The following PDE7B variants were observed in gnomAD, a reference collection of about 807,000 sequenced individuals.
PDE7B encodes the protein phosphodiesterase 7B.
In PDE7B, 29 loss-of-function variants were observed where a neutral mutation model predicts 56.2. The ratio of observed to expected loss-of-function variants is 0.52; its 90% confidence interval spans 0.38 to 0.70. The LOEUF is 0.70. PDE7B is among the 30% of genes least tolerant of loss of function. The pLI, the probability that PDE7B is intolerant of heterozygous loss-of-function variation, is 0.00. For missense variants in PDE7B, 490 were observed against 565.0 expected, an observed-to-expected ratio of 0.87 and a Z score of 1.35; for synonymous variants, 197 against 196.9, an observed-to-expected ratio of 1.00 and a Z score of 0.00.
Position 136,149,238 on chromosome 6 carries a change from C to G in PDE7B, c.382+88C>G, listed in dbSNP as rs556344879. On this transcript the variant is annotated intron_variant, in intron 5 of 12. Transcript: ENST00000308191. ...AAACAAAATTTATTTTTAAACACTG[C>G]TATTCCTTTTTCCTTCTTTCCCCAT... The G allele has an allele frequency of 5.2e-4, 451 of 861,280 alleles. 2 individuals are homozygous for G. The South Asian group carries it at 6.2e-3, about 12-fold the overall frequency. 53.4% of individuals were successfully genotyped at this position (861,280 alleles called of 1,614,324 possible).
Position 136,181,126 on chromosome 6 carries a change from T to C in PDE7B, c.949-101T>C, listed in dbSNP as rs1275586135. 3 of 795,092 alleles carry C rather than the reference T, an allele frequency of 3.8e-6. No individual in the cohort carries two copies. In the African/African-American group the frequency reaches 5.0e-5, roughly 13 times the overall value. 49.3% of individuals were successfully genotyped at this position (795,092 alleles called of 1,614,324 possible). On this transcript the variant is annotated intron_variant, in intron 10 of 12. Coordinates refer to ENST00000308191, the MANE Select transcript of PDE7B (RefSeq NM_018945.4). ...TACTCTGTAAATATGGGCCTGGTAC[T>C]GTGAGCAGACTGAACAGCTTGATAG...
chr6:135,868,878 C>T (rs1187410618), intron 1 of PDE7B, among the ~76,000 whole-genome samples: 3 of 152,184 alleles, frequency 2.0e-5, no homozygotes, highest in African/African-American at 7.2e-5. Flanking sequence ...ACCTTAAGTA[C>T]ACTGGCTCAA....
intron 3 of PDE7B, 83 bp downstream of exon 3, chr6:136,108,897 GA>G (rs1194284350): frequency 2.3e-6 from 2 of 885,346 alleles, no homozygotes; most frequent in East Asian, 4.9e-5. Flanking sequence ...TCTGAACTTC[GA>G]AACCTTCTGG....
intron 2 of PDE7B, among the ~76,000 whole-genome samples, chr6:135,953,846 G>A (rs1025298038): frequency 5.3e-5 from 8 of 152,120 alleles, no homozygotes; most frequent in Non-Finnish European, 7.4e-5. Context: ...AAAGACAGAC[G>A]TTTTCAAGTT....
At chr6:136,019,694 G>A (rs190901826) in intron 2 of PDE7B, among the ~76,000 whole-genome samples, 1 of 152,124 alleles carries the variant, frequency 6.6e-6, no homozygotes, top group Non-Finnish European at 1.5e-5. Context: ...TTGACCAGAA[G>A]CCTTACTGAT....
chr6:136,122,211 G>A (rs1313599645), intron 3 of PDE7B, among the ~76,000 whole-genome samples: 1 of 152,098 alleles, frequency 6.6e-6, no homozygotes, highest in African/African-American at 2.4e-5. Context: ...TAGCCAGGAT[G>A]GTCTGGATCT....
At chr6:135,905,677 C>A (rs902242666) in intron 1 of PDE7B, among the ~76,000 whole-genome samples, 1 of 152,126 alleles carries the variant, frequency 6.6e-6, no homozygotes, top group African/African-American at 2.4e-5. Flanking sequence ...TCCTAACAGT[C>A]AGCCGAGCAC....
intron 3 of PDE7B, among the ~76,000 whole-genome samples, chr6:136,122,381 CA>C (rs921272937): frequency 1.1e-4 from 17 of 152,288 alleles, no homozygotes; most frequent in African/African-American, 4.1e-4. Flanking sequence ...TCTTATATAG[CA>C]AGTGGTTGCT....
chr6:136,169,759 TCAAAA>T (rs1221599508), intron 8 of PDE7B, among the ~76,000 whole-genome samples: 2 of 152,318 alleles, frequency 1.3e-5, no homozygotes, highest in South Asian at 2.1e-4. Flanking sequence ...ATCTTTTCAA[TCAAAA>T]CAAATTAGTC....
intron 2 of PDE7B, among the ~76,000 whole-genome samples, chr6:135,997,537 G>A (rs1456654604): frequency 6.1e-5 from 8 of 131,000 alleles, no homozygotes; most frequent in African/African-American, 2.3e-4. Context: ...TCTATCATAA[G>A]AAAAAAATCT....
intron 3 of PDE7B, among the ~76,000 whole-genome samples, chr6:136,123,083 A>G (rs894464325): frequency 1.7e-4 from 7 of 40,200 alleles, no homozygotes; most frequent in Non-Finnish European, 3.2e-4. Context: ...TTCTCCATCT[A>G]GGTGCGGTGG....
At chr6:135,981,641 A>G (rs1188227669) in intron 2 of PDE7B, among the ~76,000 whole-genome samples, 1 of 150,640 alleles carries the variant, frequency 6.6e-6, no homozygotes, top group Non-Finnish European at 1.5e-5. Context: ...TTCCACCTCC[A>G]CATTTTTCCC....
chr6:136,173,607 A>G (rs1778928518), intron 8 of PDE7B, among the ~76,000 whole-genome samples, 190 bp from the exon 9 acceptor site: 1 of 152,122 alleles, frequency 6.6e-6, no homozygotes, highest in South Asian at 2.1e-4. Flanking sequence ...CTGTTCTCCC[A>G]TCATCATCAC....
chr6:135,870,710 C>T (rs572718596), intron 1 of PDE7B, among the ~76,000 whole-genome samples: 1 of 151,786 alleles, frequency 6.6e-6, no homozygotes, highest in South Asian at 2.1e-4. Flanking sequence ...CTTGAGAGGC[C>T]TATCAGTGAA....
At chr6:135,942,631 C>T (rs972949404) in intron 1 of PDE7B, among the ~76,000 whole-genome samples, 1 of 152,054 alleles carries the variant, frequency 6.6e-6, no homozygotes, top group African/African-American at 2.4e-5. Flanking sequence ...ACCAATATTT[C>T]TTCAATTTCA....
intron 1 of PDE7B, among the ~76,000 whole-genome samples, chr6:135,887,530 T>C (rs9321542): frequency 0.12 from 17,732 of 152,136 alleles, 2,421 homozygotes; most frequent in African/African-American, 0.33. Context: ...GAACCCAATA[T>C]TGACAAAGAT....
intron 2 of PDE7B, among the ~76,000 whole-genome samples, chr6:135,972,087 AG>A (rs1775102836): frequency 6.6e-6 from 1 of 152,008 alleles, no homozygotes; most frequent in Non-Finnish European, 1.5e-5. Context: ...ATACACAATT[AG>A]CTGGGTGTGG....
chr6:136,066,852 CTTT>C (rs566149848), intron 2 of PDE7B, among the ~76,000 whole-genome samples: 2 of 138,272 alleles, frequency 1.4e-5, no homozygotes, highest in Non-Finnish European at 1.6e-5. Flanking sequence ...TAACCATAAC[CTTT>C]TTTTTTTTTT....
intron 1 of PDE7B, among the ~76,000 whole-genome samples, chr6:135,879,905 A>G (rs1775574350): frequency 6.6e-6 from 1 of 152,210 alleles, no homozygotes; most frequent in Admixed American, 6.5e-5. Flanking sequence ...GAACTCTTAG[A>G]CATTGGGAAT....
Sources: gnomAD v4.1 joint callset for allele counts (sites outside exome capture counted in the v4.1 genomes callset) on GRCh38, gnomAD v4.1.1 for gene constraint, MANE v1.5 for transcripts, NCBI Gene and HGNC (gene_info 2026-07-23, HGNC 2026-07-21) for gene names.